HSD17B12: variants seen among roughly 807,000 people sequenced by gnomAD.
HSD17B12 encodes hydroxysteroid 17-beta dehydrogenase 12, also known as very-long-chain 3-oxoacyl-CoA reductase.
Under a neutral mutation model 39.3 loss-of-function variants are expected in HSD17B12, and 32 were observed. The ratio of observed to expected loss-of-function variants is 0.81; its 90% confidence interval spans 0.61 to 1.09. The LOEUF (loss-of-function observed/expected upper bound fraction) is 1.09. Among genes scored for constraint, HSD17B12 ranks in the 50% least tolerant of loss-of-function variants. The probability of loss-of-function intolerance (pLI) is 0.00; values close to 1 mark genes in which losing one functional copy is unlikely to be tolerated. For missense variants in HSD17B12, 342 were observed against 382.9 expected (o/e 0.89, Z 0.89); for synonymous variants, 150 against 146.7 (o/e 1.02, Z -0.16).
the HSD17B12 span, among the ~76,000 whole-genome samples, chr11:43,579,957 A>G: frequency 6.6e-6 from 1 of 151,356 alleles, no homozygotes; most frequent in South Asian, 2.1e-4. Flanking sequence ...AGTTCTTGCA[A>G]TGTTTGCAGT....
At chr11:43,800,333 C>T (rs1950954626) in intron 4 of HSD17B12, among the ~76,000 whole-genome samples, 1 of 152,244 alleles carries the variant, frequency 6.6e-6, no homozygotes, top group Non-Finnish European at 1.5e-5. Context: ...CTTACTGCTT[C>T]TCTTGAGCTT....
At chr11:43,797,887 G>A (rs78901407) in intron 3 of HSD17B12, among the ~76,000 whole-genome samples, 2,140 of 152,158 alleles carry the variant, frequency 0.014, 68 homozygotes, top group African/African-American at 0.047. Flanking sequence ...TTGTTTTAAT[G>A]TGTCACACTT....
intron 10 of HSD17B12, 104 bp from the exon 11 acceptor site, chr11:43,855,040 C>A: frequency 9.3e-7 from 1 of 1,078,914 alleles, no homozygotes; most frequent in Non-Finnish European, 1.3e-6. Context: ...TTAAAATCTA[C>A]CTATAAATAA....
In HSD17B12 at chr11:43,799,128, C is replaced by T. The variant is rs73540464; in HGVS notation, c.391+701C>T. Among the ~76,000 whole-genome samples the T allele has an allele frequency of 1.9e-3, 292 of 151,850 alleles. 2 individuals are homozygous for T. The highest frequency in any genetic ancestry group is 6.9e-3 in the African/African-American group (285 of 41,442). On this transcript the variant is annotated intron_variant, in intron 4 of 10. Transcript: ENST00000278353. ...TATTCAGCCTTTTGTTCACTATTACCCCCCGAGAAGACTTTAGAGATTTTT... is the reference window on the plus strand; with the variant it reads ...TATTCAGCCTTTTGTTCACTATTACTCCCCGAGAAGACTTTAGAGATTTTT...
chr11:43,578,608 G>A, the HSD17B12 span, among the ~76,000 whole-genome samples: 1 of 152,158 alleles, frequency 6.6e-6, no homozygotes. Flanking sequence ...GGGACCTACT[G>A]GTTCCCTTTC....
the HSD17B12 span, among the ~76,000 whole-genome samples, chr11:43,646,768 A>G: frequency 3.3e-5 from 5 of 152,294 alleles, no homozygotes; most frequent in East Asian, 7.7e-4. Flanking sequence ...GAATTTTGGT[A>G]TTTAATCATT....
chr11:43,632,401 G>A, the HSD17B12 span, among the ~76,000 whole-genome samples: 1 of 152,170 alleles, frequency 6.6e-6, no homozygotes, highest in African/African-American at 2.4e-5. Flanking sequence ...GCACAGGATG[G>A]CACAGCATGG....
At chr11:43,690,608 A>G (rs1040275485) in intron 1 of HSD17B12, among the ~76,000 whole-genome samples, 1 of 150,900 alleles carries the variant, frequency 6.6e-6, no homozygotes, top group Non-Finnish European at 1.5e-5. Flanking sequence ...ACATTCTCTT[A>G]TCAGCTACAA....
intron 3 of HSD17B12, among the ~76,000 whole-genome samples, chr11:43,770,909 C>T (rs1950642792): frequency 6.6e-6 from 1 of 152,116 alleles, no homozygotes; most frequent in Non-Finnish European, 1.5e-5. Context: ...TTTATTTCTT[C>T]TATTATGGTA....
the HSD17B12 span, among the ~76,000 whole-genome samples, chr11:43,589,543 T>C: frequency 6.6e-6 from 1 of 152,226 alleles, no homozygotes; most frequent in Non-Finnish European, 1.5e-5. Flanking sequence ...AATTGGAGCC[T>C]TCCCCATGTA....
chr11:43,840,457 G>A (rs904969547), intron 9 of HSD17B12, among the ~76,000 whole-genome samples: 2 of 151,616 alleles, frequency 1.3e-5, no homozygotes, highest in Non-Finnish European at 2.9e-5. Context: ...TTCACATATC[G>A]TGCAACCATT....
intron 1 of HSD17B12, among the ~76,000 whole-genome samples, chr11:43,685,760 A>G (rs1949792172): frequency 1.3e-5 from 2 of 152,216 alleles, no homozygotes; most frequent in South Asian, 4.1e-4. Flanking sequence ...TCGGGAGTAG[A>G]TTTCTTTATA....
At chr11:43,661,736 A>G in the HSD17B12 span, among the ~76,000 whole-genome samples, 2 of 152,224 alleles carry the variant, frequency 1.3e-5, no homozygotes, top group Non-Finnish European at 2.9e-5. Flanking sequence ...ATAGCTAAAT[A>G]CTTAACCCAA....
the HSD17B12 span, among the ~76,000 whole-genome samples, chr11:43,620,632 T>C: frequency 6.7e-6 from 1 of 149,308 alleles, no homozygotes; most frequent in Non-Finnish European, 1.5e-5. Flanking sequence ...TAAACCAACA[T>C]AGGATTTCCT....
At chr11:43,844,893 C>T (rs757560509) in intron 9 of HSD17B12, among the ~76,000 whole-genome samples, 1 of 152,146 alleles carries the variant, frequency 6.6e-6, no homozygotes, top group Non-Finnish European at 1.5e-5. Context: ...AACATTTTAC[C>T]GCATTTGTCT....
the HSD17B12 span, among the ~76,000 whole-genome samples, chr11:43,641,948 A>G: frequency 2.0e-5 from 3 of 151,904 alleles, no homozygotes; most frequent in Admixed American, 6.5e-5. Context: ...TAAATATGCA[A>G]ATTTGCACAT....
At chr11:43,665,988 T>G in the HSD17B12 span, among the ~76,000 whole-genome samples, 2 of 152,180 alleles carry the variant, frequency 1.3e-5, no homozygotes, top group Non-Finnish European at 2.9e-5. Flanking sequence ...CAAGGATATT[T>G]TATGGTTGTA....
At chr11:43,762,999 T>C (rs559676541) in intron 3 of HSD17B12, among the ~76,000 whole-genome samples, 15 of 152,306 alleles carry the variant, frequency 9.8e-5, no homozygotes, top group African/African-American at 3.6e-4. Flanking sequence ...GCAGGTCTCA[T>C]AAGAGAGCTG....
At chr11:43,615,446 C>G in the HSD17B12 span, among the ~76,000 whole-genome samples, 1 of 152,184 alleles carries the variant, frequency 6.6e-6, no homozygotes, top group African/African-American at 2.4e-5. Context: ...TTCTGGAACT[C>G]TCTCTCTGCA....
Sources: gnomAD v4.1 joint callset for allele counts (sites outside exome capture counted in the v4.1 genomes callset) on GRCh38, gnomAD v4.1.1 for gene constraint, MANE v1.5 for transcripts, NCBI Gene and HGNC (gene_info 2026-07-23, HGNC 2026-07-21) for gene names.